CIT: variants seen among roughly 807,000 people sequenced by gnomAD.
CIT encodes the protein citron rho-interacting serine/threonine kinase, also known as citron Rho-interacting kinase.
CIT carries 79 observed loss-of-function variants against 272.7 expected under a neutral mutation model. The observed-to-expected ratio is 0.29, with a 90% CI of 0.24 to 0.35. The LOEUF is 0.35. Ranked by LOEUF, CIT falls within the 10% of genes least tolerant of loss-of-function variation. CIT has a pLI of 1.00. For missense variants in CIT, 1,909 were observed against 2,618.3 expected (o/e 0.73, Z 5.91); for synonymous variants, 948 against 995.6 (o/e 0.95, Z 0.90).
intron 23 of CIT, among the ~76,000 whole-genome samples, chr12:119,744,110 T>A (rs1196771736): frequency 6.6e-6 from 1 of 152,158 alleles, no homozygotes; most frequent in Non-Finnish European, 1.5e-5. Flanking sequence ...GTACTGTTAC[T>A]GTCATTCAAG....
chr12:119,778,553 C>T (rs203368), intron 13 of CIT, among the ~76,000 whole-genome samples: 71,637 of 151,960 alleles, frequency 0.47, 17,373 homozygotes, highest in Admixed American at 0.58. Context: ...AAATAATCGA[C>T]TGAGCAAGGA....
chr12:119,844,580 C>T (rs1969658857), intron 5 of CIT, among the ~76,000 whole-genome samples: 1 of 152,114 alleles, frequency 6.6e-6, no homozygotes, highest in Non-Finnish European at 1.5e-5. Flanking sequence ...TAAGGGATGG[C>T]AGACGTATGA....
chr12:119,792,345 C>T (rs1289915976), intron 10 of CIT, among the ~76,000 whole-genome samples: 1 of 152,052 alleles, frequency 6.6e-6, no homozygotes, highest in Non-Finnish European at 1.5e-5. Flanking sequence ...TAGTGCTGGC[C>T]AACAGCACTA....
chr12:119,742,866 GACACACAC>G (rs56003708), intron 23 of CIT: 39,301 of 151,778 alleles, frequency 0.26, 5,217 homozygotes, highest in Middle Eastern at 0.33. Context: ...CCTACTCCCT[GACACACAC>G]ACACACACAC....
At position 119,770,930 on chromosome 12, in the gene CIT, CAG is replaced by C. The variant is rs1425495920; in HGVS notation, c.2083-22_2083-21del. The C allele has an allele frequency of 5.6e-6, 9 of 1,612,144 alleles. No homozygotes were observed. Among genetic ancestry groups the C allele is most frequent in the Non-Finnish European group, 7.6e-6 (9 of 1,179,652 alleles). ...GCGTTCCTGTAGATCATGAATCAAT[CAG>C]AGAGTTTTAATGGAGTAACCGCTAT... On this transcript the variant is annotated intron_variant, in intron 17 of 47. Coordinates refer to ENST00000392521, the MANE Select transcript of CIT (RefSeq NM_001206999.2). The surrounding 1 kb of genome is among the most constrained non-coding windows in gnomAD (Gnocchi z 4.4).
Position 119,784,597 on chromosome 12 carries a change from G to A in CIT, c.1401+363C>T, listed in dbSNP as rs1453429822. The A allele has an allele frequency of 4.4e-5, 52 of 1,180,130 alleles. No individual in the cohort carries two copies. The highest frequency in any genetic ancestry group is 5.1e-5 in the Non-Finnish European group (48 of 947,042). The allele number at this position is 1,180,130 out of a possible 1,614,324, so 73.1% of individuals were successfully genotyped here. ...AGTGGCCGCAGTGACATAAGCAGGA[G>A]TTTTAAAAGACTAGGAAGAGAGACT... On this transcript the variant is annotated intron_variant, in intron 11 of 47. Coordinates refer to ENST00000392521, the MANE Select transcript of CIT (RefSeq NM_001206999.2). The surrounding 1 kb of genome is among the most constrained non-coding windows in gnomAD (Gnocchi z 4.7).
At chr12:119,864,135 AAAC>A (rs1040671108) in intron 3 of CIT, among the ~76,000 whole-genome samples, 3 of 152,172 alleles carry the variant, frequency 2.0e-5, no homozygotes, top group African/African-American at 7.2e-5. Flanking sequence ...GAAAAAAAAA[AAAC>A]TTTTCAAAAG....
intron 19 of CIT, among the ~76,000 whole-genome samples, chr12:119,763,810 AATC>A (rs1206933156): frequency 6.6e-6 from 1 of 152,258 alleles, no homozygotes; most frequent in African/African-American, 2.4e-5. Flanking sequence ...GCTTGATCCA[AATC>A]ATCATGAAAA....
At chr12:119,791,022 T>C (rs1593760486) in intron 10 of CIT, among the ~76,000 whole-genome samples, 2 of 152,138 alleles carry the variant, frequency 1.3e-5, no homozygotes, top group African/African-American at 4.8e-5. Flanking sequence ...CACAATCCTA[T>C]AAGATGGGTA....
At chr12:119,823,046 T>C in intron 8 of CIT, 73 bp from the exon 9 acceptor site, 1 of 1,432,230 alleles carries the variant, frequency 7.0e-7, no homozygotes, top group Admixed American at 2.3e-5. Context: ...GTGAAGAAAG[T>C]ATTTCTCATA....
chr12:119,714,390 A>T (rs927764275), intron 32 of CIT, 56 bp from the exon 33 acceptor site: 35 of 1,587,908 alleles, frequency 2.2e-5, no homozygotes, highest in Non-Finnish European at 2.8e-5. Context: ...CCCATCAGGA[A>T]AGTGAAAAGA....
intron 41 of CIT, among the ~76,000 whole-genome samples, chr12:119,703,804 G>A (rs1338248064): frequency 6.6e-6 from 1 of 152,164 alleles, no homozygotes; most frequent in Non-Finnish European, 1.5e-5. Flanking sequence ...CCGAGGTAGG[G>A]ACATCAGACA....
rs549305660 is a variant in CIT at position 119,711,179 on chromosome 12, G to A, written c.4855-559C>T. The A allele has an allele frequency of 3.5e-5, 38 of 1,096,118 alleles. No individual in the cohort carries two copies. In the East Asian group the frequency reaches 1.6e-3, roughly 48 times the overall value. The allele number at this position is 1,096,118 out of a possible 1,614,324, so 67.9% of individuals were successfully genotyped here. On this transcript the variant is annotated intron_variant, in intron 37 of 47. Transcript: ENST00000392521. The stretch of plus-strand genomic sequence containing the variant: ...TCATCCAAACAGGTCTAACCACTGA[G>A]TAAAGCCCTTTTCAGGAGGCTTGTG...
chr12:119,749,039 C>T (rs278128), intron 23 of CIT, among the ~76,000 whole-genome samples: 128,895 of 152,230 alleles, frequency 0.85, 55,005 homozygotes, highest in African/African-American at 0.93. Context: ...TTAAATTTGA[C>T]AGGATGGGTG....
rs762303040 is a variant in CIT at position 119,803,381 on chromosome 12, G to T, written c.1120C>A (p.Pro374Thr). Reference sequence around the variant, plus strand: ...TCAGACTTGAGGGTGGGAACGAAGGGGGGAGGAGCTGGTTAAAGAAAAACA... The same window carrying T: ...TCAGACTTGAGGGTGGGAACGAAGGTGGGAGGAGCTGGTTAAAGAAAAACA... ...DWNNIRNSPP[P>T]FVPTLKSDDD... Residue 374 changes from proline to threonine, a missense_variant, in exon 10 of 48, where the codon CCC (proline) becomes ACC (threonine). By Grantham distance (38) the Pro-to-Thr change is conservative (BLOSUM62 -1). Coordinates refer to ENST00000392521, the MANE Select transcript of CIT (RefSeq NM_001206999.2). 5 of 1,559,030 alleles carry T rather than the reference G, an allele frequency of 3.2e-6. No individual in the cohort carries two copies. Among genetic ancestry groups the T allele is most frequent in the East Asian group, 2.4e-5 (1 of 42,374 alleles).
At chr12:119,868,652 C>T (rs937275135) in intron 3 of CIT, among the ~76,000 whole-genome samples, 1 of 152,190 alleles carries the variant, frequency 6.6e-6, no homozygotes, top group African/African-American at 2.4e-5. Flanking sequence ...ATCCTCCCAC[C>T]TCAGCCTCCT....
Position 119,772,926 on chromosome 12 carries a change from G to A in CIT, c.1942-16C>T, listed in dbSNP as rs747006916. 3.7e-6 allele frequency: 6 copies of A among 1,605,322 alleles called. No individual in the cohort carries two copies. In the Admixed American group the frequency reaches 1.0e-4, roughly 27 times the overall value. Reference sequence around the variant, plus strand: ...CTTTTACAGCCTAGGAAGAGAGAAGGAAAAGGAGATAGGTGGGCAAATTTA... The same window carrying A: ...CTTTTACAGCCTAGGAAGAGAGAAGAAAAAGGAGATAGGTGGGCAAATTTA... On this transcript the variant is annotated splice_polypyrimidine_tract_variant and intron_variant, in intron 16 of 47. Transcript: ENST00000392521.
In CIT at chr12:119,822,971, C is replaced by A. The variant is rs1172677811; in HGVS notation, c.960G>T (p.Arg320=). The change falls in exon 9 of 48, where the codon CGG becomes CGT. Residue 320 remains arginine, a splice_region_variant and synonymous_variant. Transcript: ENST00000392521. The stretch of plus-strand genomic sequence containing the variant: ...TGGGGTCATCTGGAAATTTCAAAAA[C>A]CGCTGTTCCAAAAAAAATAAGAGAA... ...RTFNNIMNFQ[R]FLKFPDDPKV... 1.2e-6 allele frequency: 2 copies of A among 1,601,234 alleles called. No homozygotes were observed. Among genetic ancestry groups the A allele is most frequent in the African/African-American group, 1.4e-5 (1 of 73,940 alleles).
chr12:119,735,663 G>A (rs554371521), intron 24 of CIT, among the ~76,000 whole-genome samples: 37 of 152,172 alleles, frequency 2.4e-4, no homozygotes, highest in Admixed American at 7.2e-4. Context: ...TCAAATTGAC[G>A]GAAATAATAT....
Sources: gnomAD v4.1 joint callset for allele counts (sites outside exome capture counted in the v4.1 genomes callset) on GRCh38, gnomAD v4.1.1 for gene constraint, Gnocchi (gnomAD v3.1) non-coding constraint, MANE v1.5 for transcripts, NCBI Gene and HGNC (gene_info 2026-07-23, HGNC 2026-07-21) for gene names.